TYW1: variants seen among roughly 807,000 people sequenced by gnomAD.
The protein encoded by TYW1 is S-adenosyl-L-methionine-dependent tRNA 4-demethylwyosine synthase TYW1.
Under a neutral mutation model 96.2 loss-of-function variants are expected in TYW1, and 46 were observed. The ratio of observed to expected loss-of-function variants is 0.48; its 90% CI spans 0.38 to 0.61. The LOEUF (loss-of-function observed/expected upper bound fraction) is 0.61, where lower values mean the gene tolerates loss of function less well. TYW1 is among the 20% of genes least tolerant of loss of function. The pLI is 0.00. For missense variants in TYW1, 684 were observed against 909.6 expected (o/e 0.75, Z 3.19); for synonymous variants, 274 against 323.0 (o/e 0.85, Z 1.63).
At chr7:67,018,974 G>GA (rs974880486) in intron 6 of TYW1, among the ~76,000 whole-genome samples, 34 of 69,310 alleles carry the variant, frequency 4.9e-4, no homozygotes, top group Non-Finnish European at 8.7e-4. Flanking sequence ...AAAAAAAAAA[G>GA]AAAAAAACAA....
intron 2 of TYW1, among the ~76,000 whole-genome samples, 168 bp from the exon 3 acceptor site, chr7:66,998,649 C>A (rs1793274314): frequency 6.6e-6 from 1 of 152,048 alleles, no homozygotes; most frequent in South Asian, 2.1e-4. Context: ...CTTATTATAC[C>A]AAGGGGCTAA....
At position 67,198,550 on chromosome 7, in the gene TYW1, C is replaced by CAA. The variant is rs35164931; in HGVS notation, c.1977+3225_1977+3226dup. 2.2e-5 allele frequency among the ~76,000 whole-genome samples: 3 copies of CAA among 133,668 alleles called. 1 individual carries two copies. Among genetic ancestry groups the CAA allele is most frequent in the South Asian group, 4.7e-4 (2 of 4,280 alleles). The allele number at this position is 133,668 out of a possible 152,430, so 87.7% of individuals were successfully genotyped here. A position where few individuals can be genotyped will look rare whatever the true frequency, so the allele number is the denominator to read the frequency against. On this transcript the variant is annotated intron_variant, in intron 15 of 15. Transcript: ENST00000359626. ...TGGGCGACAGGGTGAGACTCCATCT[C>CAA]AAAAAAAAAAAAAGAAGATATAAAG...
intron 15 of TYW1, among the ~76,000 whole-genome samples, chr7:67,235,479 A>G (rs560462407): frequency 3.3e-5 from 5 of 152,126 alleles, no homozygotes; most frequent in African/African-American, 9.7e-5. Context: ...TCATGAATAC[A>G]CAGTGAAGCA....
chr7:67,226,548 T>C (rs1361956575), intron 15 of TYW1, among the ~76,000 whole-genome samples: 3 of 152,134 alleles, frequency 2.0e-5, no homozygotes, highest in Admixed American at 6.6e-5. Context: ...CAATCAGCAC[T>C]CCTGGCTCAC....
chr7:67,188,392 G>A (rs1800097228), intron 14 of TYW1, among the ~76,000 whole-genome samples: 1 of 152,076 alleles, frequency 6.6e-6, no homozygotes, highest in South Asian at 2.1e-4. Flanking sequence ...ATAAGAACTA[G>A]CAATATGGCA....
rs1800985293 is a variant in TYW1 at position 67,210,821 on chromosome 7, TC to T, written c.1977+15485del. Among the ~76,000 whole-genome samples, 3 of 82,620 alleles carry T rather than the reference TC, an allele frequency of 3.6e-5. No individual in the cohort carries two copies. In the South Asian group the frequency reaches 1.2e-3, roughly 34 times the overall value. 54.2% of individuals were successfully genotyped at this position (82,620 alleles called of 152,430 possible). On this transcript the variant is annotated intron_variant, in intron 15 of 15. Transcript: ENST00000359626. ...TCTGTGTCTATCTGTCCAGCTAATC[TC>T]TGTCTATTCATCCATCTATCAATCC... is the stretch of plus-strand genomic sequence containing the variant.
intron 15 of TYW1, among the ~76,000 whole-genome samples, chr7:67,218,186 T>G (rs1801263019): frequency 6.6e-6 from 1 of 152,118 alleles, no homozygotes; most frequent in South Asian, 2.1e-4. Flanking sequence ...ATTAAATCTT[T>G]CAATCCATGA....
intron 11 of TYW1, among the ~76,000 whole-genome samples, chr7:67,094,112 T>G (rs1251613030): frequency 6.6e-6 from 1 of 152,052 alleles, no homozygotes; most frequent in Non-Finnish European, 1.5e-5. Flanking sequence ...GATGTTCTGT[T>G]TTTTAGTTCA....
At chr7:67,134,028 A>AG (rs1798169535) in intron 13 of TYW1, among the ~76,000 whole-genome samples, 1 of 151,164 alleles carries the variant, frequency 6.6e-6, no homozygotes, top group Non-Finnish European at 1.5e-5. Context: ...AGCAGCATCA[A>AG]CTCCAGACTT....
In TYW1 at chr7:67,157,390, A is replaced by G. The variant is rs577504090; in HGVS notation, c.1699-25736A>G. Among the ~76,000 whole-genome samples, 53 of 152,252 alleles carry G rather than the reference A, an allele frequency of 3.5e-4. No individual in the cohort carries two copies. In the South Asian group the frequency reaches 0.011, roughly 30 times the overall value. On this transcript the variant is annotated intron_variant, in intron 13 of 15. Coordinates refer to ENST00000359626, the MANE Select transcript of TYW1 (RefSeq NM_018264.4). ...AACCTCTGCCTCGTGGGTTCAAGCA[A>G]TTCTCCTGCCTCAGCCTCCCGAGTA...
chr7:67,117,490 G>A lies in TYW1; in HGVS notation c.1570G>A (p.Glu524Lys), dbSNP rs774028946. The change falls in exon 13 of 16, where the codon GAG becomes AAG. Residue 524 changes from glutamate to lysine, a missense_variant. By Grantham distance (56) the Glu-to-Lys change is moderately conservative. Coordinates refer to ENST00000359626, the MANE Select transcript of TYW1 (RefSeq NM_018264.4). ...AAAAAAAATATTACTAAGGAACCTC[G>A]AGCCGGTTACTCAGCTGTATGTCAG... Reference protein sequence around the residue: ...AQFPAEIRNLEPVTQLYVSVD... With the variant: ...AQFPAEIRNLKPVTQLYVSVD... The A allele has an allele frequency of 3.7e-6, 6 of 1,601,020 alleles. No homozygotes were observed. The East Asian group carries it at 6.7e-5, about 18-fold the overall frequency.
At position 67,102,865 on chromosome 7, in the gene TYW1, G is replaced by A. The variant is rs1263993994; in HGVS notation, c.1562+4147G>A. On this transcript the variant is annotated intron_variant, in intron 12 of 15. Transcript: ENST00000359626. ...ACGGGTTTCACCGTGTTAGCAGGAT[G>A]GTCTCGATCTCCTGACCTCGTAATC... is the stretch of plus-strand genomic sequence containing the variant. Among the ~76,000 whole-genome samples, 4 of 152,070 alleles carry A rather than the reference G, an allele frequency of 2.6e-5. No homozygotes were observed. The South Asian group carries it at 8.3e-4, about 32-fold the overall frequency.
intron 13 of TYW1, among the ~76,000 whole-genome samples, chr7:67,127,281 C>T (rs1249334240): frequency 1.3e-5 from 2 of 151,874 alleles, no homozygotes; most frequent in African/African-American, 4.8e-5. Flanking sequence ...ACCTCAGCCT[C>T]CCAAGTAGCA....
At chr7:67,219,304 G>A (rs1315898815) in intron 15 of TYW1, among the ~76,000 whole-genome samples, 1 of 152,004 alleles carries the variant, frequency 6.6e-6, no homozygotes, top group Non-Finnish European at 1.5e-5. Context: ...GGTGTTTTGA[G>A]GATTTTTGTG....
chr7:67,011,110 T>C (rs1478946242), intron 4 of TYW1, among the ~76,000 whole-genome samples: 1 of 152,166 alleles, frequency 6.6e-6, no homozygotes, highest in Non-Finnish European at 1.5e-5. Context: ...TGATCTTGGC[T>C]CACTGCAACC....
chr7:67,136,060 G>A (rs1234051804), intron 13 of TYW1, among the ~76,000 whole-genome samples: 1 of 152,122 alleles, frequency 6.6e-6, no homozygotes, highest in Non-Finnish European at 1.5e-5. Context: ...GGAAATTGAA[G>A]GTCACAGAGC....
intron 12 of TYW1, among the ~76,000 whole-genome samples, chr7:67,105,030 C>T (rs1217696765): frequency 1.3e-5 from 2 of 152,236 alleles, no homozygotes; most frequent in Admixed American, 1.3e-4. Flanking sequence ...CTCTCATCCC[C>T]CAGCAGCTAT....
At chr7:67,072,934 G>GTTTTTTT (rs529812538) in intron 10 of TYW1, among the ~76,000 whole-genome samples, 20 of 71,264 alleles carry the variant, frequency 2.8e-4, no homozygotes, top group South Asian at 1.1e-3. Flanking sequence ...TGCCTATCCA[G>GTTTTTTT]TTTTTTTTTT....
At chr7:67,200,785 G>C (rs1300330782) in intron 15 of TYW1, among the ~76,000 whole-genome samples, 1 of 152,186 alleles carries the variant, frequency 6.6e-6, no homozygotes. Context: ...GGTCCCATCA[G>C]GAGAGGCTTC....
Sources: gnomAD v4.1 joint callset for allele counts (sites outside exome capture counted in the v4.1 genomes callset) on GRCh38, gnomAD v4.1.1 for gene constraint, MANE v1.5 for transcripts, NCBI Gene and HGNC (gene_info 2026-07-23, HGNC 2026-07-21) for gene names.